The following MCAT variants were observed in gnomAD, a reference collection of about 807,000 sequenced individuals.
The protein encoded by MCAT is malonyl-CoA-acyl carrier protein transacylase, mitochondrial.
In MCAT, 22 loss-of-function variants were observed where a neutral mutation model predicts 22.9. That is an observed-to-expected ratio of 0.96 (90% CI 0.69 to 1.37). The LOEUF is 1.37. MCAT is among the 40% of genes most tolerant of loss of function. The pLI is 0.00. For synonymous variants in MCAT, 240 were observed against 233.9 expected (o/e 1.03, Z -0.24); for missense variants, 534 against 533.6 (o/e 1.00, Z -0.01).
At position 43,132,800 on chromosome 22, in the gene MCAT, C is replaced by T. The variant is rs528759137; in HGVS notation, c.*243G>A. ...GGGCCAGGATTCTAGCTTCCCCACA[C>T]ACCAGCCCTGTGGCATCATTCTTCC... On this transcript the variant is annotated 3_prime_UTR_variant, in exon 4 of 4. Transcript: ENST00000290429. The T allele has an allele frequency of 5.7e-6, 3 of 529,842 alleles. No individual in the cohort carries two copies. The highest frequency in any genetic ancestry group is 1.9e-5 in the African/African-American group (1 of 52,674). 32.8% of individuals were successfully genotyped at this position (529,842 alleles called of 1,614,324 possible). A position where few individuals can be genotyped will look rare whatever the true frequency, so the allele number is the denominator to read the frequency against.
At chr22:43,135,021 C>T (rs5759180) in intron 3 of MCAT, among the ~76,000 whole-genome samples, 2 of 152,228 alleles carry the variant, frequency 1.3e-5, no homozygotes, top group Non-Finnish European at 2.9e-5. Context: ...AAGTCCCAGG[C>T]TAGGGCCACA....
chr22:43,141,764 G>A (rs1283977562), intron 1 of MCAT, among the ~76,000 whole-genome samples: 8 of 152,106 alleles, frequency 5.3e-5, no homozygotes. Context: ...TAGAGACGGG[G>A]TTTCACCATG....
In MCAT at chr22:43,132,906, G is replaced by A; in HGVS notation, c.*137C>T. The A allele has an allele frequency of 2.8e-6, 2 of 719,462 alleles. No homozygotes were observed. Among genetic ancestry groups the A allele is most frequent in the Non-Finnish European group, 4.6e-6 (2 of 431,860 alleles). 44.6% of individuals were successfully genotyped at this position (719,462 alleles called of 1,614,324 possible). On this transcript the variant is annotated 3_prime_UTR_variant, in exon 4 of 4. Transcript: ENST00000290429. ...ACTCATTTTTAGGGCTTTTTATGTG[G>A]CCTTCAAAGCACGTTGCAAACAAAT...
intron 3 of MCAT, 118 bp downstream of exon 3, chr22:43,136,963 C>A (rs751527177): frequency 1.2e-6 from 1 of 856,630 alleles, no homozygotes; most frequent in Non-Finnish European, 1.9e-6. Context: ...CCCCAAAATA[C>A]TTCCTAAAGA....
At chr22:43,136,993 C>T (rs576773569) in intron 3 of MCAT, 88 bp downstream of exon 3, 27 of 1,173,494 alleles carry the variant, frequency 2.3e-5, no homozygotes, top group Middle Eastern at 2.2e-4. Context: ...ACCCAGCACC[C>T]GCCAGACTGC....
At chr22:43,142,904 G>A (rs754521523) in intron 1 of MCAT, 22 bp downstream of exon 1, 1 of 1,497,444 alleles carries the variant, frequency 6.7e-7, no homozygotes, top group Admixed American at 2.1e-5. Context: ...TCCCCCTCCT[G>A]TCACGGGGCC....
chr22:43,142,750 G>A (rs1930805403), intron 1 of MCAT, 176 bp downstream of exon 1: 15 of 314,756 alleles, frequency 4.8e-5, no homozygotes. Flanking sequence ...ACTCTAGCCT[G>A]GGCGACAGAG....
At position 43,133,194 on chromosome 22, in the gene MCAT, C is replaced by G; in HGVS notation, c.1022G>C (p.Gly341Ala). 1.2e-6 allele frequency: 2 copies of G among 1,614,216 alleles called. No homozygotes were observed. Among genetic ancestry groups the G allele is most frequent in the Non-Finnish European group, 1.7e-6 (2 of 1,180,046 alleles). The stretch of plus-strand genomic sequence containing the variant: ...GCCTACTTCGAAAGTTTGGGGGAAC[C>G]CCCTGCCCTTTTTCCTTTCGTATAT... ...HAIYERKKGR[G>A]FPQTFEVGPG... The change falls in exon 4 of 4, where the codon GGG becomes GCG. Residue 341 changes from glycine to alanine, a missense_variant. By Grantham distance (60) the Gly-to-Ala change is moderately conservative. Coordinates refer to ENST00000290429, the MANE Select transcript of MCAT (RefSeq NM_173467.5).
At chr22:43,142,785 A>AAC (rs56214689) in intron 1 of MCAT, 141 bp downstream of exon 1, 47 of 931,130 alleles carry the variant, frequency 5.0e-5, no homozygotes, top group Non-Finnish European at 6.7e-5. Flanking sequence ...AAAAAAAAAA[A>AAC]CAAAAACAAA....
In MCAT at chr22:43,133,219, T is replaced by C. The variant is rs754166485; in HGVS notation, c.997A>G (p.Ile333Val). 1 of 1,614,204 alleles carries C rather than the reference T, an allele frequency of 6.2e-7. No homozygotes were observed. The highest frequency in any genetic ancestry group is 8.5e-7 in the Non-Finnish European group (1 of 1,180,024). ...PVKWEQTMHA[I>V]YERKKGRGFP... ...CCCCTGCCCTTTTTCCTTTCGTATATGGCATGCATCGTCTGCTCCCACTTC... is the reference window on the plus strand; with the variant it reads ...CCCCTGCCCTTTTTCCTTTCGTATACGGCATGCATCGTCTGCTCCCACTTC... The change falls in exon 4 of 4, where the codon ATA (isoleucine) becomes GTA (valine). Residue 333 changes from isoleucine to valine, a missense_variant. Coordinates refer to ENST00000290429, the MANE Select transcript of MCAT (RefSeq NM_173467.5).
intron 3 of MCAT, among the ~76,000 whole-genome samples, chr22:43,135,510 C>A (rs2281077): frequency 0.14 from 10,951 of 76,046 alleles, 863 homozygotes; most frequent in East Asian, 0.21. Context: ...TCTCAAAAAA[C>A]AAAAAAAAAA....
intron 3 of MCAT, among the ~76,000 whole-genome samples, chr22:43,135,198 C>T (rs530503720): frequency 1.3e-5 from 2 of 152,334 alleles, no homozygotes; most frequent in African/African-American, 4.8e-5. Flanking sequence ...TTTGCTGTGG[C>T]ACTACCAAGA....
intron 2 of MCAT, among the ~76,000 whole-genome samples, chr22:43,139,580 C>CTTT (rs55787888): frequency 1.1e-4 from 16 of 142,208 alleles, no homozygotes; most frequent in African/African-American, 1.3e-4. Context: ...TAATTCTGCA[C>CTTT]TTTTTTTTTT....
At position 43,142,965 on chromosome 22, in the gene MCAT, C is replaced by T; in HGVS notation, c.384G>A (p.Ser128=). 1 of 1,594,020 alleles carries T rather than the reference C, an allele frequency of 6.3e-7. No homozygotes were observed. The highest frequency in any genetic ancestry group is 2.3e-5 in the East Asian group (1 of 43,280). The change falls in exon 1 of 4, where the codon TCG becomes TCA. Residue 128 remains serine, a synonymous_variant. Coordinates refer to ENST00000290429, the MANE Select transcript of MCAT (RefSeq NM_173467.5). ...GATGTAGTTTCTCGACAGCGGCCAG[C>T]GATGCCACGAAGATCGCGGGCTGAC... ...VHCQPAIFVA[S]LAAVEKLHHL...
At chr22:43,138,175 G>GTAC (rs1930672914) in intron 2 of MCAT, among the ~76,000 whole-genome samples, 1 of 152,178 alleles carries the variant, frequency 6.6e-6, no homozygotes, top group Non-Finnish European at 1.5e-5. Context: ...TGCAGCTGTA[G>GTAC]TAAGCTATGA....
intron 2 of MCAT, 82 bp from the exon 3 acceptor site, chr22:43,137,380 C>A: frequency 8.7e-7 from 1 of 1,145,658 alleles, no homozygotes. Context: ...AAAGCCCAAG[C>A]TCCACTCTGC....
Position 43,143,326 on chromosome 22 carries a change from A to G in MCAT, c.23T>C (p.Val8Ala). 1 of 1,391,432 alleles carries G rather than the reference A, an allele frequency of 7.2e-7. No individual in the cohort carries two copies. Among genetic ancestry groups the G allele is most frequent in the South Asian group, 1.6e-5 (1 of 61,566 alleles). 86.2% of individuals were successfully genotyped at this position (1,391,432 alleles called of 1,614,324 possible). The change falls in exon 1 of 4, where the codon GTA (valine) becomes GCA (alanine). Residue 8 changes from valine to alanine, a missense_variant. Coordinates refer to ENST00000290429, the MANE Select transcript of MCAT (RefSeq NM_173467.5). Reference sequence around the variant, plus strand: ...GGCGCCCAAGCCCCTGACCCACGCTACCCGTGCGACCCGGACGCTCATGGT... The same window carrying G: ...GGCGCCCAAGCCCCTGACCCACGCTGCCCGTGCGACCCGGACGCTCATGGT... Reference protein sequence around the residue: MSVRVARVAWVRGLGASY... With the variant: MSVRVARAAWVRGLGASY...
Position 43,143,017 on chromosome 22 carries a change from T to G in MCAT, c.332A>C (p.Gln111Pro), listed in dbSNP as rs1930822430. The change falls in exon 1 of 4, where the codon CAG becomes CCG. Residue 111 changes from glutamine to proline, a missense_variant. Physicochemically the swap from Gln to Pro is moderately conservative, Grantham distance 76. Transcript: ENST00000290429. ...DLLELSLHGP[Q>P]ETLDRTVHCQ... ...GTGCACGGTGCGGTCCAGGGTCTCCTGCGGCCCGTGCAGGCTCAGTTCCAG... is the reference window on the plus strand; with the variant it reads ...GTGCACGGTGCGGTCCAGGGTCTCCGGCGGCCCGTGCAGGCTCAGTTCCAG... 6.2e-7 allele frequency: 1 copy of G among 1,609,258 alleles called. No homozygotes were observed.
rs556111968 is a variant in MCAT at position 43,137,346 on chromosome 22, G to T, written c.512-48C>A. ...GGAAAAATGAGGGCACAGAATGAAG[G>T]AGAAAAGGCCAGGCCTGAGAAACAA... On this transcript the variant is annotated intron_variant, in intron 2 of 3. Coordinates refer to ENST00000290429, the MANE Select transcript of MCAT (RefSeq NM_173467.5). The T allele has an allele frequency of 3.3e-6, 5 of 1,518,626 alleles. No individual in the cohort carries two copies. In the African/African-American group the frequency reaches 4.1e-5, roughly 12 times the overall value. 94.1% of individuals were successfully genotyped at this position (1,518,626 alleles called of 1,614,324 possible). A position where few individuals can be genotyped will look rare whatever the true frequency, so the allele number is the denominator to read the frequency against.
Sources: gnomAD v4.1 joint callset for allele counts (sites outside exome capture counted in the v4.1 genomes callset) on GRCh38, gnomAD v4.1.1 for gene constraint, MANE v1.5 for transcripts, NCBI Gene and HGNC (gene_info 2026-07-23, HGNC 2026-07-21) for gene names.